PPIG: variants seen among roughly 807,000 people sequenced by gnomAD.
The protein encoded by PPIG is peptidyl-prolyl cis-trans isomerase G.
Under a neutral mutation model 87.9 loss-of-function variants are expected in PPIG, and 26 were observed. The observed-to-expected ratio is 0.30, with a 90% CI of 0.22 to 0.41. PPIG has a LOEUF of 0.41. Ranked by LOEUF, PPIG falls within the 10% of genes least tolerant of loss-of-function variation. The pLI, the probability that PPIG is intolerant of heterozygous loss-of-function variation, is 1.00. For synonymous variants in PPIG, 308 were observed against 276.5 expected, an observed-to-expected ratio of 1.11 and a Z score of -1.13; for missense variants, 722 against 879.4, an observed-to-expected ratio of 0.82 and a Z score of 2.26.
Position 169,631,781 on chromosome 2 carries a change from T to A in PPIG, c.777T>A (p.Ser259Arg). 6.2e-7 allele frequency: 1 copy of A among 1,613,778 alleles called. No homozygotes were observed. The highest frequency in any genetic ancestry group is 8.5e-7 in the Non-Finnish European group (1 of 1,179,856). Residue 259 changes from serine (S) to arginine (R), a missense_variant, in exon 11 of 14, where the codon AGT becomes AGA. Ser to Arg is a moderately radical substitution (Grantham distance 110). Coordinates refer to ENST00000260970, the MANE Select transcript of PPIG (RefSeq NM_004792.3). ...GTCTGTTAAGTGCATCTAGTGAGAG[T>A]GAAGCTGAAAATCTTGAAGCACAAC... is the stretch of plus-strand genomic sequence containing the variant. The part of the protein sequence containing the change: ...KKSKKSASSE[S>R]EAENLEAQPQ...
At chr2:169,622,595 A>G (rs1329735590) in intron 9 of PPIG, among the ~76,000 whole-genome samples, 1 of 152,102 alleles carries the variant, frequency 6.6e-6, no homozygotes, top group Non-Finnish European at 1.5e-5. Flanking sequence ...GCCCTTTATT[A>G]ATATGTATCT....
intron 11 of PPIG, among the ~76,000 whole-genome samples, chr2:169,632,798 A>G (rs1231511367): frequency 1.3e-5 from 2 of 151,784 alleles, no homozygotes; most frequent in Non-Finnish European, 1.5e-5. Context: ...AGGAATATTG[A>G]AATATTTTTC....
chr2:169,589,367 A>G (rs1160929927), intron 1 of PPIG, among the ~76,000 whole-genome samples: 1 of 152,208 alleles, frequency 6.6e-6, no homozygotes, highest in African/African-American at 2.4e-5. Flanking sequence ...GCAACTTGGC[A>G]TTTGTAAATA....
At chr2:169,634,504 CATTT>C (rs1322870258) in intron 12 of PPIG, among the ~76,000 whole-genome samples, 1 of 152,156 alleles carries the variant, frequency 6.6e-6, no homozygotes, top group African/African-American at 2.4e-5. Context: ...TCCAAAGACT[CATTT>C]GACTAATGAG....
chr2:169,632,000 T>C (rs986890307), intron 11 of PPIG, 67 bp downstream of exon 11: 3 of 1,349,696 alleles, frequency 2.2e-6, no homozygotes, highest in South Asian at 1.7e-5. Flanking sequence ...AAAAGTTATT[T>C]ATTTTAAACA....
At chr2:169,632,657 CATAA>C (rs1361300909) in intron 11 of PPIG, among the ~76,000 whole-genome samples, 1 of 151,958 alleles carries the variant, frequency 6.6e-6, no homozygotes, top group African/African-American at 2.4e-5. Flanking sequence ...AGGAGAATGG[CATAA>C]GTAAACCTGG....
intron 12 of PPIG, among the ~76,000 whole-genome samples, chr2:169,634,063 C>T (rs866389476): frequency 1.5e-4 from 23 of 152,066 alleles, no homozygotes; most frequent in African/African-American, 4.8e-4. Context: ...CTCCTGACCT[C>T]AGGTGATCCA....
chr2:169,631,176 C>T (rs553064366), intron 10 of PPIG, among the ~76,000 whole-genome samples, 189 bp downstream of exon 10: 1 of 152,124 alleles, frequency 6.6e-6, no homozygotes, highest in East Asian at 1.9e-4. Flanking sequence ...GAAAGAAAAC[C>T]TATCAGTTCA....
chr2:169,608,223 G>C (rs7584973), intron 6 of PPIG, among the ~76,000 whole-genome samples: 2 of 151,372 alleles, frequency 1.3e-5, no homozygotes, highest in African/African-American at 4.9e-5. Flanking sequence ...GGGCACGGTG[G>C]CTCATGCCTG....
At chr2:169,585,566 G>A (rs1684678255) in intron 1 of PPIG, among the ~76,000 whole-genome samples, 1 of 152,092 alleles carries the variant, frequency 6.6e-6, no homozygotes. Context: ...GCCAGCTCAT[G>A]TTTAGTCTTA....
chr2:169,638,298 G>A lies in PPIG; in HGVS notation c.*775G>A, dbSNP rs1209493695. The A allele has an allele frequency of 6.6e-6, 1 of 150,664 alleles. No individual in the cohort carries two copies. The highest frequency in any genetic ancestry group is 1.5e-5 in the Non-Finnish European group (1 of 67,684). The allele number at this position is 150,664 out of a possible 1,614,324, so 9.3% of individuals were successfully genotyped here. On this transcript the variant is annotated 3_prime_UTR_variant, in exon 14 of 14. Transcript: ENST00000260970. ...TTCTGTGTTGCTTTTGGTTTGAAGA[G>A]TTTTGGGAACGTTTTAATTATTAAT... is the stretch of plus-strand genomic sequence containing the variant.
At chr2:169,594,705 ATC>A (rs1173542223) in intron 1 of PPIG, among the ~76,000 whole-genome samples, 1 of 148,416 alleles carries the variant, frequency 6.7e-6, no homozygotes, top group East Asian at 2.0e-4. Flanking sequence ...GCTCACTGCA[ATC>A]TCCACCTCCT....
intron 1 of PPIG, among the ~76,000 whole-genome samples, chr2:169,592,239 T>C (rs1001222701): frequency 3.3e-5 from 5 of 150,718 alleles, no homozygotes; most frequent in African/African-American, 1.2e-4. Flanking sequence ...TACTTTTACT[T>C]GAAAAAAAAT....
chr2:169,610,801 A>G (rs1685464391), intron 7 of PPIG, among the ~76,000 whole-genome samples: 1 of 152,232 alleles, frequency 6.6e-6, no homozygotes, highest in Admixed American at 6.5e-5. Flanking sequence ...AACAGTTTAT[A>G]GAGATCATTC....
chr2:169,597,019 G>A (rs1685038307), intron 1 of PPIG, among the ~76,000 whole-genome samples: 1 of 139,800 alleles, frequency 7.2e-6, no homozygotes, highest in Admixed American at 7.9e-5. Context: ...TCTTTATCTG[G>A]TAATCTGTTG....
intron 1 of PPIG, among the ~76,000 whole-genome samples, chr2:169,599,090 G>GTC (rs894356877): frequency 2.6e-4 from 39 of 152,068 alleles, no homozygotes; most frequent in African/African-American, 5.3e-4. Context: ...GAATTACTGA[G>GTC]TCAGAGAGTC....
At chr2:169,584,632 G>C in intron 1 of PPIG, 142 bp downstream of exon 1, 1 of 417,750 alleles carries the variant, frequency 2.4e-6, no homozygotes, top group South Asian at 1.7e-5. Context: ...GAGGTATCGG[G>C]GCTGCTTGGG....
intron 9 of PPIG, among the ~76,000 whole-genome samples, chr2:169,629,020 G>GC (rs1372252979): frequency 6.7e-6 from 1 of 149,646 alleles, no homozygotes; most frequent in Non-Finnish European, 1.5e-5. Context: ...CTGAGGCTAA[G>GC]GTGGGGCTAA....
chr2:169,604,270 A>G lies in PPIG; in HGVS notation c.136+9A>G. 2 of 1,592,730 alleles carry G rather than the reference A, an allele frequency of 1.3e-6. No individual in the cohort carries two copies. Among genetic ancestry groups the G allele is most frequent in the South Asian group, 2.2e-5 (2 of 90,394 alleles). On this transcript the variant is annotated intron_variant, in intron 4 of 13. Transcript: ENST00000260970. ...TCGTTGTCTTTGTACAGGTTTGTTCACATTTTCAACTGCCCTAATAGTAGT... is the reference window on the plus strand; with the variant it reads ...TCGTTGTCTTTGTACAGGTTTGTTCGCATTTTCAACTGCCCTAATAGTAGT...
Sources: gnomAD v4.1 joint callset for allele counts (sites outside exome capture counted in the v4.1 genomes callset) on GRCh38, gnomAD v4.1.1 for gene constraint, MANE v1.5 for transcripts, NCBI Gene and HGNC (gene_info 2026-07-23, HGNC 2026-07-21) for gene names.